The following ZNF705B variants were observed in gnomAD, a reference collection of about 807,000 sequenced individuals.
The protein encoded by ZNF705B is Putative zinc finger protein 705D-like protein LOC100132396.
ZNF705B carries 1 observed loss-of-function variant against 10.5 expected under a neutral mutation model. The ratio of observed to expected loss-of-function variants is 0.10; its 90% CI spans 0.03 to 0.45. The LOEUF is 0.45. ZNF705B is among the 20% of genes least tolerant of loss of function. ZNF705B has a pLI of 0.97. For missense variants in ZNF705B, 14 were observed against 84.0 expected (o/e 0.17, Z 3.26); for synonymous variants, 4 against 25.4 (o/e 0.16, Z 2.53).
intron 2 of ZNF705B, among the ~76,000 whole-genome samples, chr8:7,930,860 TG>T (rs1393894467): frequency 2.4e-5 from 3 of 127,212 alleles, no homozygotes; most frequent in East Asian, 2.3e-4. Context: ...TTTTTTTTGT[TG>T]TTGTTGTTGT....
chr8:7,930,942 G>C (rs1182701842), intron 2 of ZNF705B, among the ~76,000 whole-genome samples: 3 of 126,868 alleles, frequency 2.4e-5, no homozygotes, highest in South Asian at 5.2e-4. Context: ...CTGCAGCTCT[G>C]CCTCCTGGGC....
In ZNF705B at chr8:7,929,648, A is replaced by T. The variant is rs1471921586; in HGVS notation, c.-221-639A>T. Among the ~76,000 whole-genome samples the T allele has an allele frequency of 8.7e-4, 105 of 120,868 alleles. 1 individual carries two copies. Among genetic ancestry groups the T allele is most frequent in the African/African-American group, 2.4e-3 (94 of 39,452 alleles). 79.3% of individuals were successfully genotyped at this position (120,868 alleles called of 152,430 possible). A position where few individuals can be genotyped will look rare whatever the true frequency, so the allele number is the denominator to read the frequency against. ...CCCATGCCATAATTTGAACATTTGAATCAGGAATGCAAGCTTTTTCTCTCT... is the reference window on the plus strand; with the variant it reads ...CCCATGCCATAATTTGAACATTTGATTCAGGAATGCAAGCTTTTTCTCTCT... On this transcript the variant is annotated intron_variant, in intron 1 of 6. Transcript: ENST00000400120.
intron 1 of ZNF705B, among the ~76,000 whole-genome samples, chr8:7,927,637 A>G (rs1440062989): frequency 8.4e-6 from 1 of 119,730 alleles, no homozygotes; most frequent in Non-Finnish European, 2.0e-5. Context: ...CACTATAGCC[A>G]TCACCAAATA....
intron 1 of ZNF705B, among the ~76,000 whole-genome samples, 158 bp from the exon 2 acceptor site, chr8:7,930,129 C>A (rs550571822): frequency 4.4e-5 from 5 of 114,666 alleles, no homozygotes; most frequent in African/African-American, 1.3e-4. Flanking sequence ...TTTAACCCAA[C>A]TCCTCCCTCC....
chr8:7,951,309 A>AT (rs1820314860), intron 6 of ZNF705B, among the ~76,000 whole-genome samples: 1 of 70,144 alleles, frequency 1.4e-5, no homozygotes, highest in Non-Finnish European at 3.3e-5. Context: ...GTGAATCTGG[A>AT]TTTTTTTACA....
intron 2 of ZNF705B, among the ~76,000 whole-genome samples, chr8:7,934,057 C>T (rs1819931462): frequency 7.1e-6 from 1 of 139,980 alleles, no homozygotes; most frequent in Non-Finnish European, 1.6e-5. Context: ...TCTCCTGCTT[C>T]AGCCTCCTGC....
chr8:7,932,384 T>C (rs1819874207), intron 2 of ZNF705B, among the ~76,000 whole-genome samples: 1 of 121,242 alleles, frequency 8.2e-6, no homozygotes, highest in Admixed American at 9.4e-5. Context: ...ATTATCTACT[T>C]GCTGTCTTGG....
At position 7,931,494 on chromosome 8, in the gene ZNF705B, G is replaced by C. The variant is rs1584996842; in HGVS notation, c.-72+1058G>C. On this transcript the variant is annotated intron_variant, in intron 2 of 6. Coordinates refer to ENST00000400120, the MANE Select transcript of ZNF705B (RefSeq NM_001193630.1). ...GCACAGGCACCACCAGGCTGGGTGG[G>C]CTCATACTCAGGTCACAAGAAGGCA... is the stretch of plus-strand genomic sequence containing the variant. 5.7e-5 allele frequency among the ~76,000 whole-genome samples: 7 copies of C among 122,262 alleles called. 1 individual carries two copies. The South Asian group carries it at 1.9e-3, about 33-fold the overall frequency. The allele number at this position is 122,262 out of a possible 152,430, so 80.2% of individuals were successfully genotyped here. A position where few individuals can be genotyped will look rare whatever the true frequency, so the allele number is the denominator to read the frequency against.
At chr8:7,927,841 T>C (rs1230715987) in intron 1 of ZNF705B, among the ~76,000 whole-genome samples, 1 of 144,750 alleles carries the variant, frequency 6.9e-6, no homozygotes, top group Admixed American at 7.2e-5. Flanking sequence ...TTCTCTGATG[T>C]CTACATCTCA....
At chr8:7,928,166 C>T (rs1278592991) in intron 1 of ZNF705B, among the ~76,000 whole-genome samples, 1 of 111,908 alleles carries the variant, frequency 8.9e-6, no homozygotes, top group African/African-American at 2.6e-5. Context: ...CAAACGAGCT[C>T]CTTCAGGCCT....
rs1292857581 is a variant in ZNF705B, at chr8:7,928,332, CA to C, written c.-222+1936del. ...AAATATTCAAACATTCGGGCCACAG[CA>C]CTTCCTTACCTCCTTCCTCCCTCCG... On this transcript the variant is annotated intron_variant, in intron 1 of 6. Coordinates refer to ENST00000400120, the MANE Select transcript of ZNF705B (RefSeq NM_001193630.1). Among the ~76,000 whole-genome samples the C allele has an allele frequency of 1.7e-5, 2 of 121,046 alleles. 1 individual carries two copies. The highest frequency in any genetic ancestry group is 4.0e-5 in the Non-Finnish European group (2 of 50,414). The allele number at this position is 121,046 out of a possible 152,430, so 79.4% of individuals were successfully genotyped here.
Position 7,930,759 on chromosome 8 carries a change from C to T in ZNF705B, c.-72+323C>T, listed in dbSNP as rs1420510129. Reference sequence around the variant, plus strand: ...TCCATGTGAATCAAAGCAATGGCAACGACAACACTAATACTAATAACAAAT... The same window carrying T: ...TCCATGTGAATCAAAGCAATGGCAATGACAACACTAATACTAATAACAAAT... On this transcript the variant is annotated intron_variant, in intron 2 of 6. Transcript: ENST00000400120. 4.5e-4 allele frequency among the ~76,000 whole-genome samples: 51 copies of T among 114,174 alleles called. 1 individual carries two copies. Among genetic ancestry groups the T allele is most frequent in the Admixed American group, 1.8e-3 (17 of 9,666 alleles). The allele number at this position is 114,174 out of a possible 152,430, so 74.9% of individuals were successfully genotyped here.
chr8:7,930,851 T>TA (rs1328038297), intron 2 of ZNF705B, among the ~76,000 whole-genome samples: 2 of 103,610 alleles, frequency 1.9e-5, no homozygotes, highest in Non-Finnish European at 4.6e-5. Flanking sequence ...TTTTTGTTTT[T>TA]TTTTTTGTTG....
At chr8:7,931,652 T>C (rs868656204) in intron 2 of ZNF705B, among the ~76,000 whole-genome samples, 3,179 of 120,992 alleles carry the variant, frequency 0.026, 96 homozygotes, top group African/African-American at 0.079. Flanking sequence ...CCCAGGCAGG[T>C]GAGTCCCCAG....
intron 1 of ZNF705B, among the ~76,000 whole-genome samples, chr8:7,929,638 G>C (rs1220291727): frequency 8.2e-6 from 1 of 122,064 alleles, no homozygotes; most frequent in Non-Finnish European, 1.9e-5. Context: ...GCCATAATTT[G>C]AACATTTGAA....
intron 2 of ZNF705B, among the ~76,000 whole-genome samples, chr8:7,932,627 C>T (rs1819881521): frequency 8.2e-6 from 1 of 121,438 alleles, no homozygotes; most frequent in Admixed American, 9.3e-5. Flanking sequence ...CTTGGCACTT[C>T]CATAGGGTTG....
In ZNF705B at chr8:7,931,486, C is replaced by T. The variant is rs1277772353; in HGVS notation, c.-72+1050C>T. On this transcript the variant is annotated intron_variant, in intron 2 of 6. Transcript: ENST00000400120. ...GACAATGTGCACAGGCACCACCAGG[C>T]TGGGTGGGCTCATACTCAGGTCACA... 2.5e-5 allele frequency among the ~76,000 whole-genome samples: 3 copies of T among 122,104 alleles called. 1 individual carries two copies. Among genetic ancestry groups the T allele is most frequent in the African/African-American group, 2.5e-5 (1 of 39,940 alleles). The allele number at this position is 122,104 out of a possible 152,430, so 80.1% of individuals were successfully genotyped here.
chr8:7,930,700 CATT>C (rs1819818485), intron 2 of ZNF705B, among the ~76,000 whole-genome samples: 1 of 109,824 alleles, frequency 9.1e-6, no homozygotes, highest in African/African-American at 2.6e-5. Context: ...TGATAGATAA[CATT>C]AATAGTAGGC....
Position 7,936,228 on chromosome 8 carries a change from A to G in ZNF705B, c.-72+5792A>G, listed in dbSNP as rs573923081. Among the ~76,000 whole-genome samples the G allele has an allele frequency of 2.4e-4, 29 of 120,084 alleles. 4 individuals carry two copies. The South Asian group carries it at 7.8e-3, about 32-fold the overall frequency. 78.8% of individuals were successfully genotyped at this position (120,084 alleles called of 152,430 possible). On this transcript the variant is annotated intron_variant, in intron 2 of 6. Coordinates refer to ENST00000400120, the MANE Select transcript of ZNF705B (RefSeq NM_001193630.1). ...CTAACTTGCAATATGTTTGTGCGGA[A>G]ATTTGTTGTTACTCTCGGTTCAGAG...
Sources: allele counts gnomAD v4.1 joint callset (sites outside exome capture counted in the v4.1 genomes callset), GRCh38; gene constraint gnomAD v4.1.1; transcripts MANE v1.5; gene names NCBI Gene and HGNC (gene_info 2026-07-23, HGNC 2026-07-21).